The following SEC23B variants were observed in gnomAD, a reference collection of about 807,000 sequenced individuals.
SEC23B encodes protein transport protein Sec23B.
SEC23B carries 77 observed loss-of-function variants against 104.3 expected under a neutral mutation model. The ratio of observed to expected loss-of-function variants is 0.74; its 90% CI spans 0.61 to 0.89. SEC23B has a LOEUF of 0.89. Among genes scored for constraint, SEC23B ranks in the 40% least tolerant of loss-of-function variants. The pLI is 0.00. For missense variants in SEC23B, 885 were observed against 949.4 expected (o/e 0.93, Z 0.89); for synonymous variants, 338 against 332.5 (o/e 1.02, Z -0.18).
At chr20:18,523,177 A>AC (rs1400286262) in intron 4 of SEC23B, among the ~76,000 whole-genome samples, 1 of 151,848 alleles carries the variant, frequency 6.6e-6, no homozygotes, top group Non-Finnish European at 1.5e-5. Context: ...CCCACGTGTT[A>AC]CCACTCCAAC....
At position 18,524,936 on chromosome 20, in the gene SEC23B, A is replaced by T; in HGVS notation, c.605A>T (p.Asp202Val). 6.2e-7 allele frequency: 1 copy of T among 1,612,770 alleles called. No individual in the cohort carries two copies. The highest frequency in any genetic ancestry group is 1.1e-5 in the South Asian group (1 of 91,024). Reference sequence around the variant, plus strand: ...CTTTTTGGCTTTTTTTTTTTTAAGGATATGTTGGGCCTGACCAAGCCAGCC... The same window carrying T: ...CTTTTTGGCTTTTTTTTTTTTAAGGTTATGTTGGGCCTGACCAAGCCAGCC... ...TKDLTAKQIQ[D>V]MLGLTKPAMP... The change falls in exon 6 of 20, where the codon GAT (aspartate) becomes GTT (valine). Residue 202 changes from aspartate (D) to valine (V), a missense_variant and splice_region_variant. Physicochemically the swap from Asp to Val is radical, Grantham distance 152. Coordinates refer to ENST00000650089, the MANE Select transcript of SEC23B (RefSeq NM_006363.6).
At position 18,542,399 on chromosome 20, in the gene SEC23B, G is replaced by A. The variant is rs775552496; in HGVS notation, c.1508G>A (p.Arg503Gln). The A allele has an allele frequency of 4.3e-6, 7 of 1,613,728 alleles. No individual in the cohort carries two copies. In the South Asian group the frequency reaches 7.7e-5, roughly 18 times the overall value. Residue 503 changes from arginine (R) to glutamine (Q), a missense_variant, in exon 13 of 20, where the codon CGA becomes CAA. Physicochemically the swap from Arg to Gln is conservative, Grantham distance 43. Coordinates refer to ENST00000650089, the MANE Select transcript of SEC23B (RefSeq NM_006363.6). The part of the protein sequence containing the change: ...QRRIRVTTIA[R>Q]NWADVQSQLR... ...CGCATCCGCGTGACCACCATCGCCC[G>A]AAAGTAAGCAGCCCCAGTTTCCTTT...
intron 12 of SEC23B, among the ~76,000 whole-genome samples, chr20:18,539,049 C>CAAA (rs367686822): frequency 5.9e-5 from 8 of 136,752 alleles, no homozygotes; most frequent in South Asian, 4.6e-4. Flanking sequence ...ACTAAAAATA[C>CAAA]AAAAAAAAAA....
At chr20:18,547,928 A>AAT (rs2060347960) in intron 15 of SEC23B, among the ~76,000 whole-genome samples, 1 of 150,016 alleles carries the variant, frequency 6.7e-6, no homozygotes, top group Non-Finnish European at 1.5e-5. Flanking sequence ...TCTTAAAAAA[A>AAT]TTTTGTATTT....
intron 19 of SEC23B, among the ~76,000 whole-genome samples, chr20:18,558,847 A>T (rs74993642): frequency 6.6e-6 from 1 of 152,004 alleles, no homozygotes; most frequent in Non-Finnish European, 1.5e-5. Flanking sequence ...CATTTTTATC[A>T]TGGCTGTTTT....
chr20:18,542,494 T>C, intron 13 of SEC23B, 92 bp downstream of exon 13: 1 of 1,225,246 alleles, frequency 8.2e-7, no homozygotes, highest in Middle Eastern at 1.9e-4. Context: ...GTCTTTTTGA[T>C]TCCATTGAAT....
At chr20:18,509,877 C>T (rs2059966410) in intron 1 of SEC23B, 2 of 152,258 alleles carry the variant, frequency 1.3e-5, no homozygotes, top group Admixed American at 6.5e-5. Context: ...TGAGCCACCA[C>T]ACCTGGCCTT....
intron 17 of SEC23B, among the ~76,000 whole-genome samples, chr20:18,553,248 C>T (rs77492116): frequency 0.016 from 2,450 of 152,284 alleles, 57 homozygotes; most frequent in African/African-American, 0.047. Context: ...CTGGTGAGCT[C>T]GTGGGCATTT....
chr20:18,525,869 T>G lies in SEC23B; in HGVS notation c.771T>G (p.Thr257=). 2 of 1,614,170 alleles carry G rather than the reference T, an allele frequency of 1.2e-6. No individual in the cohort carries two copies. The highest frequency in any genetic ancestry group is 4.5e-5 in the East Asian group (2 of 44,876). The change falls in exon 7 of 20, where the codon ACT becomes ACG. Residue 257 remains threonine (T), a synonymous_variant. Transcript: ENST00000650089. ...GELQRDPWPV[T]QGKRPLRSTG... is the part of the protein sequence containing the mutation. ...TACAGAGGGACCCATGGCCAGTAAC[T>G]CAGGGGAAGAGACCTTTGCGATCCA...
intron 6 of SEC23B, among the ~76,000 whole-genome samples, chr20:18,525,296 T>G (rs1568605935): frequency 6.6e-6 from 1 of 152,212 alleles, no homozygotes; most frequent in Non-Finnish European, 1.5e-5. Context: ...TCAAACATAC[T>G]TATGACCGGG....
chr20:18,548,623 G>A lies in SEC23B; in HGVS notation c.1758G>A (p.Leu586=). Residue 586 remains leucine, a synonymous_variant, in exon 16 of 20, where the codon CTG becomes CTA. Transcript: ENST00000650089. ...TGTGAATGCAGTTTATGTTCCATCTGAGAAGATCTCCATTTCTTCAAGTGT... is the reference window on the plus strand; with the variant it reads ...TGTGAATGCAGTTTATGTTCCATCTAAGAAGATCTCCATTTCTTCAAGTGT... ...FSLYPQFMFH[L]RRSPFLQVFN... is the part of the protein sequence containing the mutation. The A allele has an allele frequency of 5.6e-6, 9 of 1,614,000 alleles. No individual in the cohort carries two copies. Among genetic ancestry groups the A allele is most frequent in the Non-Finnish European group, 7.6e-6 (9 of 1,179,860 alleles).
chr20:18,517,769 C>T (rs2060043123), intron 4 of SEC23B, among the ~76,000 whole-genome samples: 1 of 152,054 alleles, frequency 6.6e-6, no homozygotes, highest in African/African-American at 2.4e-5. Context: ...TTAGAAGGAG[C>T]ATTTGTCGTA....
chr20:18,536,814 A>T, intron 12 of SEC23B, among the ~76,000 whole-genome samples: 2 of 152,366 alleles, frequency 1.3e-5, no homozygotes, highest in Middle Eastern at 6.8e-3. Flanking sequence ...AGTAATATAT[A>T]TTATGTCCTG....
intron 15 of SEC23B, among the ~76,000 whole-genome samples, chr20:18,546,343 A>G (rs888264015): frequency 1.1e-4 from 17 of 152,258 alleles, no homozygotes; most frequent in African/African-American, 4.1e-4. Flanking sequence ...CAGCTACCTC[A>G]GCAACAAACC....
At chr20:18,535,238 G>A (rs1426466431) in intron 11 of SEC23B, among the ~76,000 whole-genome samples, 4 of 130,598 alleles carry the variant, frequency 3.1e-5, no homozygotes, top group East Asian at 2.6e-4. Context: ...AACCCGGAAC[G>A]ATGGGTCACA....
At chr20:18,542,733 C>G (rs2060299112) in intron 13 of SEC23B, among the ~76,000 whole-genome samples, 1 of 152,208 alleles carries the variant, frequency 6.6e-6, no homozygotes, top group African/African-American at 2.4e-5. Flanking sequence ...CTCCCATGCT[C>G]AAGTGATCCT....
At chr20:18,531,920 T>C (rs1219206091) in intron 10 of SEC23B, among the ~76,000 whole-genome samples, 1 of 151,076 alleles carries the variant, frequency 6.6e-6, no homozygotes, top group African/African-American at 2.4e-5. Flanking sequence ...TAACCTCGTG[T>C]GGTGGTGCAC....
chr20:18,532,298 G>C (rs1360173817), intron 10 of SEC23B, among the ~76,000 whole-genome samples: 1 of 152,146 alleles, frequency 6.6e-6, no homozygotes, highest in Non-Finnish European at 1.5e-5. Context: ...TATGTTCTCT[G>C]ATTAGGTATA....
At position 18,543,078 on chromosome 20, in the gene SEC23B, C is replaced by T. The variant is rs398124225; in HGVS notation, c.1571C>T (p.Ala524Val). 1.5e-5 allele frequency: 25 copies of T among 1,614,004 alleles called. No individual in the cohort carries two copies. In the East Asian group the frequency reaches 1.6e-4, roughly 10 times the overall value. The change falls in exon 14 of 20, where the codon GCG becomes GTG. Residue 524 changes from alanine (A) to valine (V), a missense_variant. By Grantham distance (64) the Ala-to-Val change is moderately conservative (BLOSUM62 0). Coordinates refer to ENST00000650089, the MANE Select transcript of SEC23B (RefSeq NM_006363.6). ...HIEAAFDQEAAAVLMARLGVF... is the reference protein window; with the variant it reads ...HIEAAFDQEAVAVLMARLGVF... ...GAAGCAGCATTTGACCAGGAGGCTGCGGCAGTGTTGATGGCACGGCTTGGG... is the reference window on the plus strand; with the variant it reads ...GAAGCAGCATTTGACCAGGAGGCTGTGGCAGTGTTGATGGCACGGCTTGGG...
Sources: allele counts gnomAD v4.1 joint callset (sites outside exome capture counted in the v4.1 genomes callset), GRCh38; gene constraint gnomAD v4.1.1; transcripts MANE v1.5; gene names NCBI Gene and HGNC (gene_info 2026-07-23, HGNC 2026-07-21).